Variants in C5orf47 observed in about 807,000 individuals in gnomAD.
C5orf47 encodes the protein uncharacterized protein C5orf47.
Under a neutral mutation model 20.6 loss-of-function variants are expected in C5orf47, and 20 were observed. The observed-to-expected ratio is 0.97, with a 90% confidence interval of 0.68 to 1.41. The LOEUF (loss-of-function observed/expected upper bound fraction) is 1.41, where lower values mean the gene tolerates loss of function less well. C5orf47 is among the 40% of genes most tolerant of loss of function. C5orf47 has a pLI of 0.00. For synonymous variants in C5orf47, 106 were observed against 97.3 expected (o/e 1.09, Z -0.53); for missense variants, 262 against 238.4 (o/e 1.10, Z -0.65).
chr5:173,995,605 G>A (rs140087967), intron 1 of C5orf47, among the ~76,000 whole-genome samples: 2 of 152,332 alleles, frequency 1.3e-5, no homozygotes, highest in South Asian at 2.1e-4. Flanking sequence ...GTTAAATTAA[G>A]TAATACATGC....
chr5:173,989,269 G>A lies in C5orf47; in HGVS notation c.6G>A (p.Ala2=). The A allele has an allele frequency of 1.4e-6, 2 of 1,382,672 alleles. No individual in the cohort carries two copies. Among genetic ancestry groups the A allele is most frequent in the Non-Finnish European group, 9.4e-7 (1 of 1,065,116 alleles). 85.7% of individuals were successfully genotyped at this position (1,382,672 alleles called of 1,614,324 possible). A position where few individuals can be genotyped will look rare whatever the true frequency, so the allele number is the denominator to read the frequency against. ...TGCCGTTGACTGAGGCTGCGATGGC[G>A]GCGGCAGGCCGGGGTCGGGAGCAGG... is the stretch of plus-strand genomic sequence containing the variant. M[A]AAGRGREQDS... The change falls in exon 1 of 5, where the codon GCG becomes GCA. Residue 2 remains alanine, a synonymous_variant. Coordinates refer to ENST00000340147, the MANE Select transcript of C5orf47 (RefSeq NM_001144954.2).
downstream of C5orf47, among the ~76,000 whole-genome samples, chr5:174,008,222 G>A (rs1759321827): frequency 6.6e-6 from 1 of 152,204 alleles, no homozygotes; most frequent in African/African-American, 2.4e-5. Context: ...CACATGCATG[G>A]TAGGCCTCTT....
intron 1 of C5orf47, among the ~76,000 whole-genome samples, chr5:173,996,849 TTAA>T (rs1759107774): frequency 6.6e-6 from 1 of 152,184 alleles, no homozygotes; most frequent in African/African-American, 2.4e-5. Context: ...TAGAGAAGTC[TTAA>T]TAACATACTG....
chr5:174,006,627 G>C (rs1331647450), downstream of C5orf47, among the ~76,000 whole-genome samples: 1 of 152,180 alleles, frequency 6.6e-6, no homozygotes, highest in Non-Finnish European at 1.5e-5. Context: ...TTATAAAATA[G>C]TGAAATAATG....
At chr5:173,992,033 G>A (rs965582529) in intron 1 of C5orf47, among the ~76,000 whole-genome samples, 1 of 152,068 alleles carries the variant, frequency 6.6e-6, no homozygotes, top group Non-Finnish European at 1.5e-5. Context: ...TTAGTAATCT[G>A]TATTTCCTTA....
intron 1 of C5orf47, among the ~76,000 whole-genome samples, chr5:173,990,997 C>T (rs1406588488): frequency 3.9e-5 from 6 of 152,186 alleles, no homozygotes; most frequent in Non-Finnish European, 8.8e-5. Flanking sequence ...CCCCTGTATC[C>T]GTTAAACATT....
chr5:173,991,480 C>T (rs1304799581), intron 1 of C5orf47, among the ~76,000 whole-genome samples: 1 of 151,254 alleles, frequency 6.6e-6, no homozygotes, highest in African/African-American at 2.4e-5. Flanking sequence ...TACAAAGTAT[C>T]CCTCCATACT....
chr5:173,997,767 A>G (rs1759124161), intron 1 of C5orf47, among the ~76,000 whole-genome samples: 1 of 152,106 alleles, frequency 6.6e-6, no homozygotes, highest in Admixed American at 6.6e-5. Context: ...GAGGTACCAC[A>G]AGGTATTGTG....
chr5:173,990,909 A>G (rs188283532), intron 1 of C5orf47, among the ~76,000 whole-genome samples: 23 of 152,338 alleles, frequency 1.5e-4, no homozygotes, highest in African/African-American at 5.5e-4. Context: ...TTCACAGTGC[A>G]TACAATTCAC....
intron 4 of C5orf47, 27 bp downstream of exon 4, chr5:174,001,258 T>G (rs940344717): frequency 1.7e-5 from 21 of 1,246,622 alleles, no homozygotes; most frequent in Non-Finnish European, 2.2e-5. Context: ...GTAATAATTA[T>G]GGAATATAGA....
downstream of C5orf47, among the ~76,000 whole-genome samples, chr5:174,007,157 C>G (rs758206581): frequency 6.7e-6 from 1 of 149,180 alleles, no homozygotes; most frequent in Non-Finnish European, 1.5e-5. Context: ...GTAACTCTTA[C>G]GTTGGATGCT....
Position 173,989,185 on chromosome 5 carries a change from C to A in C5orf47, c.-79C>A. 1 of 1,277,528 alleles carries A rather than the reference C, an allele frequency of 7.8e-7. No individual in the cohort carries two copies. Among genetic ancestry groups the A allele is most frequent in the Non-Finnish European group, 1.0e-6 (1 of 1,003,064 alleles). The allele number at this position is 1,277,528 out of a possible 1,614,324, so 79.1% of individuals were successfully genotyped here. ...GTCTGGCCCTAACCGCTCCCGCATC[C>A]CTCGCCTGCACAGTGGGCAGTCTGG... is the stretch of plus-strand genomic sequence containing the variant. On this transcript the variant is annotated 5_prime_UTR_variant, in exon 1 of 5. Coordinates refer to ENST00000340147, the MANE Select transcript of C5orf47 (RefSeq NM_001144954.2).
chr5:173,991,727 A>G (rs1759000926), intron 1 of C5orf47, among the ~76,000 whole-genome samples: 1 of 152,102 alleles, frequency 6.6e-6, no homozygotes, highest in South Asian at 2.1e-4. Context: ...ATTTGTTTAT[A>G]ATTTTTGTAT....
At chr5:174,006,879 G>A (rs1759300144), downstream of C5orf47, among the ~76,000 whole-genome samples, 1 of 152,186 alleles carries the variant, frequency 6.6e-6, no homozygotes, top group Non-Finnish European at 1.5e-5. Flanking sequence ...GTGCTGTATT[G>A]TGAATTCTAC....
chr5:173,989,746 G>C (rs1758951431), intron 1 of C5orf47, among the ~76,000 whole-genome samples, 158 bp downstream of exon 1: 1 of 152,272 alleles, frequency 6.6e-6, no homozygotes, highest in Non-Finnish European at 1.5e-5. Context: ...GAGAAGCCCA[G>C]TAATTCCCTT....
intron 1 of C5orf47, 41 bp downstream of exon 1, chr5:173,989,629 G>A (rs1758947407): frequency 2.2e-6 from 3 of 1,359,440 alleles, no homozygotes; most frequent in Middle Eastern, 2.2e-4. Flanking sequence ...GCGGCGGGGC[G>A]GGACGGGGCG....
At chr5:174,002,187 C>T (rs1447322062) in intron 4 of C5orf47, among the ~76,000 whole-genome samples, 1 of 152,024 alleles carries the variant, frequency 6.6e-6, no homozygotes, top group Non-Finnish European at 1.5e-5. Flanking sequence ...TCTTGAACTC[C>T]TGGCCTCAAG....
In C5orf47 at chr5:174,001,234, A is replaced by G; in HGVS notation, c.*16+3A>G. The G allele has an allele frequency of 1.4e-6, 2 of 1,423,790 alleles. No homozygotes were observed. Among genetic ancestry groups the G allele is most frequent in the Non-Finnish European group, 1.9e-6 (2 of 1,036,850 alleles). 88.2% of individuals were successfully genotyped at this position (1,423,790 alleles called of 1,614,324 possible). ...AAGATGAATCTTCTTATCTTCTGGT[A>G]AGAATTTATTTACGTAATAATTATG... On this transcript the variant is annotated splice_donor_region_variant and intron_variant, in intron 4 of 4. Transcript: ENST00000340147.
At chr5:174,008,995 A>G (rs556757341), downstream of C5orf47, among the ~76,000 whole-genome samples, 1 of 152,268 alleles carries the variant, frequency 6.6e-6, no homozygotes, top group Admixed American at 6.5e-5. Flanking sequence ...GCAGTAGACT[A>G]TCATAAAATG....
Sources: gnomAD v4.1 joint callset for allele counts (sites outside exome capture counted in the v4.1 genomes callset) on GRCh38, gnomAD v4.1.1 for gene constraint, MANE v1.5 for transcripts, NCBI Gene and HGNC (gene_info 2026-07-23, HGNC 2026-07-21) for gene names.